FUT9: variants seen among roughly 807,000 people sequenced by gnomAD.
FUT9 encodes the protein fucosyltransferase 9.
In FUT9, 15 loss-of-function variants were observed where a neutral mutation model predicts 29.7. The ratio of observed to expected loss-of-function variants is 0.51; its 90% CI spans 0.34 to 0.78. The LOEUF is 0.78. Ranked by LOEUF, FUT9 falls within the 30% of genes least tolerant of loss-of-function variation. The pLI is 0.01. For missense variants in FUT9, 319 were observed against 425.4 expected (o/e 0.75, Z 2.20); for synonymous variants, 169 against 153.7 (o/e 1.10, Z -0.74).
At chr6:96,087,362 ATTTT>A (rs55814316) in intron 1 of FUT9, among the ~76,000 whole-genome samples, 128 of 96,630 alleles carry the variant, frequency 1.3e-3, no homozygotes, top group Admixed American at 4.0e-3. Context: ...TTCCCCACAA[ATTTT>A]TTTTTTTTTT....
At chr6:96,182,955 T>A (rs1277828087) in intron 2 of FUT9, among the ~76,000 whole-genome samples, 1 of 151,834 alleles carries the variant, frequency 6.6e-6, no homozygotes. Context: ...ATTTTAGGAT[T>A]TTTTTTCTAG....
chr6:96,097,406 T>C (rs890259066), intron 1 of FUT9, among the ~76,000 whole-genome samples: 3 of 152,106 alleles, frequency 2.0e-5, no homozygotes, highest in Admixed American at 6.5e-5. Flanking sequence ...ATTTACACCA[T>C]GGAAATTAGC....
intron 1 of FUT9, among the ~76,000 whole-genome samples, chr6:96,022,115 G>A (rs1357176117): frequency 6.6e-6 from 1 of 151,988 alleles, no homozygotes; most frequent in Non-Finnish European, 1.5e-5. Flanking sequence ...GGAAAAATGG[G>A]GAAATCTTTG....
chr6:96,085,341 CT>C (rs1413009746), intron 1 of FUT9, among the ~76,000 whole-genome samples: 11 of 152,182 alleles, frequency 7.2e-5, no homozygotes, highest in Non-Finnish European at 1.6e-4. Flanking sequence ...TAAGGGCCCT[CT>C]TCCCTCATAG....
chr6:96,027,193 T>G (rs1770183047), intron 1 of FUT9, among the ~76,000 whole-genome samples: 1 of 151,690 alleles, frequency 6.6e-6, no homozygotes, highest in African/African-American at 2.4e-5. Context: ...AGATTTTATA[T>G]CGCTTTTATA....
intron 2 of FUT9, among the ~76,000 whole-genome samples, chr6:96,128,112 GC>G: frequency 6.6e-6 from 1 of 152,052 alleles, no homozygotes; most frequent in Admixed American, 6.5e-5. Context: ...AATTTAACAA[GC>G]AATAAACTTT....
intron 2 of FUT9, among the ~76,000 whole-genome samples, chr6:96,183,882 A>G (rs946536062): frequency 1.3e-5 from 2 of 151,950 alleles, no homozygotes; most frequent in Admixed American, 1.3e-4. Context: ...TATGTTCTTC[A>G]GGGATATCGG....
chr6:96,113,862 A>G lies in FUT9; in HGVS notation c.-97-177A>G, dbSNP rs924713740. Among the ~76,000 whole-genome samples the G allele has an allele frequency of 4.9e-3, 752 of 152,092 alleles. 6 individuals are homozygous for G. Among genetic ancestry groups the G allele is most frequent in the African/African-American group, 0.017 (719 of 41,504 alleles). ...GAGCGAGACTCCATCTCAAAAAAAA[A>G]AAAAAAAAATTTAACAGAAATCACA... On this transcript the variant is annotated intron_variant, in intron 1 of 2. Transcript: ENST00000302103.
chr6:96,026,412 C>A (rs1476611503), intron 1 of FUT9, among the ~76,000 whole-genome samples: 2 of 151,528 alleles, frequency 1.3e-5, no homozygotes, highest in Non-Finnish European at 3.0e-5. Flanking sequence ...TAATTTCTGA[C>A]TATAATCTAT....
At chr6:96,121,076 A>C (rs1772019203) in intron 2 of FUT9, among the ~76,000 whole-genome samples, 1 of 152,222 alleles carries the variant, frequency 6.6e-6, no homozygotes. Flanking sequence ...TTGAGGATAC[A>C]GTATTTTTAC....
chr6:96,056,788 C>T (rs1275991587), intron 1 of FUT9, among the ~76,000 whole-genome samples: 1 of 151,914 alleles, frequency 6.6e-6, no homozygotes, highest in Non-Finnish European at 1.5e-5. Context: ...TAAAATTAGT[C>T]ATCTAATGAA....
In FUT9 at chr6:96,212,443, T is replaced by C; in HGVS notation, c.*8208T>C. On this transcript the variant is annotated 3_prime_UTR_variant, in exon 3 of 3. Transcript: ENST00000302103. ...AGTAGTCTACTTTTTAGATAAAAGA[T>C]AATCTATCTTGAATATTTCATATGT... 1 of 411,374 alleles carries C rather than the reference T, an allele frequency of 2.4e-6. No individual in the cohort carries two copies. 25.5% of individuals were successfully genotyped at this position (411,374 alleles called of 1,614,324 possible). A position where few individuals can be genotyped will look rare whatever the true frequency, so the allele number is the denominator to read the frequency against.
intron 2 of FUT9, among the ~76,000 whole-genome samples, chr6:96,167,693 A>C (rs1773038961): frequency 6.6e-6 from 1 of 152,216 alleles, no homozygotes; most frequent in South Asian, 2.1e-4. Context: ...TAGAGTAAGG[A>C]ATTCAGAGGG....
intron 2 of FUT9, among the ~76,000 whole-genome samples, chr6:96,134,600 T>C (rs905642098): frequency 6.6e-6 from 1 of 151,948 alleles, no homozygotes; most frequent in Non-Finnish European, 1.5e-5. Flanking sequence ...AATTATAGTG[T>C]TAAAATTTTA....
chr6:96,101,238 T>C (rs1270518618), intron 1 of FUT9, among the ~76,000 whole-genome samples: 2 of 152,066 alleles, frequency 1.3e-5, no homozygotes, highest in Admixed American at 6.6e-5. Context: ...GGGAAAAAAA[T>C]ATTAAGAACA....
intron 1 of FUT9, among the ~76,000 whole-genome samples, chr6:96,044,971 T>C (rs1770537664): frequency 6.6e-6 from 1 of 152,206 alleles, no homozygotes; most frequent in African/African-American, 2.4e-5. Flanking sequence ...ATATGCCAGG[T>C]GACTGATTTC....
intron 1 of FUT9, 47 bp downstream of exon 1, chr6:96,016,259 C>T (rs140061531): frequency 3.7e-3 from 570 of 152,570 alleles, no homozygotes; most frequent in Middle Eastern, 0.02. Context: ...AAGCTTGGCG[C>T]GGAGAGAACA....
intron 1 of FUT9, among the ~76,000 whole-genome samples, chr6:96,041,660 CAT>C (rs986341501): frequency 6.6e-6 from 1 of 152,104 alleles, no homozygotes; most frequent in African/African-American, 2.4e-5. Context: ...TTCATAAAAG[CAT>C]ATGTCTAAGG....
intron 2 of FUT9, among the ~76,000 whole-genome samples, chr6:96,147,782 A>T (rs139576370): frequency 6.6e-6 from 1 of 151,346 alleles, no homozygotes; most frequent in Non-Finnish European, 1.5e-5. Context: ...TCAGTTGATG[A>T]CATCCAGCCA....
Sources: allele counts gnomAD v4.1 joint callset (sites outside exome capture counted in the v4.1 genomes callset), GRCh38; gene constraint gnomAD v4.1.1; transcripts MANE v1.5; gene names NCBI Gene and HGNC (gene_info 2026-07-23, HGNC 2026-07-21).